Variants in STAG2 observed in about 807,000 individuals in gnomAD.
The protein encoded by STAG2 is cohesin subunit SA-2.
Under a neutral mutation model 108.1 loss-of-function variants are expected in STAG2, and 14 were observed. The observed-to-expected ratio is 0.13, with a 90% CI of 0.09 to 0.20. STAG2 has a LOEUF of 0.20. STAG2 is among the 10% of genes least tolerant of loss of function. The pLI, the probability that STAG2 is intolerant of heterozygous loss-of-function variation, is 1.00. For synonymous variants in STAG2, 307 were observed against 302.7 expected (o/e 1.01, Z -0.15); for missense variants, 440 against 940.9 (o/e 0.47, Z 6.96).
intron 19 of STAG2, among the ~76,000 whole-genome samples, chrX:124,063,519 A>G (rs765286499): frequency 9.0e-6 from 1 of 111,605 alleles, no homozygotes; most frequent in Non-Finnish European, 1.9e-5. Flanking sequence ...TGGTATGGCC[A>G]TAGACGATAA....
intron 1 of STAG2, among the ~76,000 whole-genome samples, chrX:123,962,778 C>G (rs935168474): frequency 1.3e-4 from 14 of 111,286 alleles, no homozygotes; most frequent in Admixed American, 5.7e-4. Context: ...CCTTAAAATG[C>G]GCGGGCCACC....
intron 1 of STAG2, among the ~76,000 whole-genome samples, chrX:123,993,231 T>G (rs981723024): frequency 9.1e-6 from 1 of 109,653 alleles, no homozygotes; most frequent in African/African-American, 3.4e-5. Flanking sequence ...TTTAGGAGGC[T>G]GAGTCCAGGA....
At chrX:124,054,166 C>CG (rs1419260834) in intron 13 of STAG2, among the ~76,000 whole-genome samples, 3 of 112,364 alleles carry the variant, frequency 2.7e-5, no homozygotes, top group African/African-American at 9.7e-5. Flanking sequence ...CTCATGTTCT[C>CG]TAACAAAGCA....
intron 8 of STAG2, among the ~76,000 whole-genome samples, chrX:124,046,737 G>A (rs73212927): frequency 0.038 from 4,229 of 111,493 alleles, 82 homozygotes; most frequent in South Asian, 0.2. Context: ...TTATGAAAAA[G>A]CACTTTAATT....
chrX:123,961,396 C>A (rs1377343209), upstream of STAG2: 2 of 107,031 alleles, frequency 1.9e-5, no homozygotes, highest in Non-Finnish European at 3.9e-5. Flanking sequence ...GGTTCCTTTT[C>A]TCCGGCAGGC....
chrX:124,084,431 G>A (rs938863453), intron 29 of STAG2, among the ~76,000 whole-genome samples: 1 of 109,452 alleles, frequency 9.1e-6, no homozygotes, highest in Non-Finnish European at 1.9e-5. Context: ...TGATTCTCCT[G>A]CCTCAGCCTC....
intron 5 of STAG2, among the ~76,000 whole-genome samples, chrX:124,032,559 A>G (rs185278328): frequency 9.0e-6 from 1 of 110,986 alleles, no homozygotes; most frequent in Admixed American, 9.7e-5. Flanking sequence ...AAGTGAGGGT[A>G]GTATCCAGTG....
chrX:124,081,467 T>C lies in STAG2; in HGVS notation c.2863T>C (p.Phe955Leu). ...FSGIKELARR[F>L]ALTFGLDQLK... ...TGGCATAAAAGAACTTGCTCGACGT[T>C]TTGCTTTAACTTTTGGACTTGATCA... The change falls in exon 28 of 35, where the codon TTT becomes CTT. Residue 955 changes from phenylalanine to leucine, a missense_variant. By Grantham distance (22) the Phe-to-Leu change is conservative. Transcript: ENST00000371145. 8.3e-7 allele frequency: 1 copy of C among 1,201,472 alleles called. No individual in the cohort carries two copies. Among genetic ancestry groups the C allele is most frequent in the Non-Finnish European group, 1.1e-6 (1 of 890,172 alleles).
At chrX:123,972,291 T>G (rs1484134301) in intron 1 of STAG2, among the ~76,000 whole-genome samples, 1 of 107,921 alleles carries the variant, frequency 9.3e-6, no homozygotes, top group African/African-American at 3.4e-5. Flanking sequence ...TTTTTTTTCT[T>G]TTTTTTTGAG....
At chrX:123,986,701 A>G (rs1876170890) in intron 1 of STAG2, among the ~76,000 whole-genome samples, 1 of 112,105 alleles carries the variant, frequency 8.9e-6, no homozygotes, top group Non-Finnish European at 1.9e-5. Flanking sequence ...AGAAAATGTT[A>G]CAGAGATGAA....
intron 5 of STAG2, among the ~76,000 whole-genome samples, 177 bp downstream of exon 5, chrX:124,031,302 G>A (rs994076710): frequency 2.7e-5 from 3 of 110,915 alleles, no homozygotes; most frequent in Non-Finnish European, 5.7e-5. Flanking sequence ...AGACTTTTGT[G>A]CTGTGTTTTG....
intron 1 of STAG2, among the ~76,000 whole-genome samples, chrX:124,005,884 C>T (rs934893740): frequency 8.1e-5 from 9 of 111,412 alleles, no homozygotes; most frequent in Non-Finnish European, 1.5e-4. Context: ...ATTCTGTCCC[C>T]CTCTCTTAGC....
intron 6 of STAG2, among the ~76,000 whole-genome samples, chrX:124,039,640 CTT>C (rs11352016): frequency 1.1e-3 from 96 of 90,505 alleles, no homozygotes; most frequent in Non-Finnish European, 9.6e-4. Flanking sequence ...TTCTTTCTTT[CTT>C]TTTTTTTTTT....
chrX:123,966,061 G>A (rs1307539623), intron 1 of STAG2, among the ~76,000 whole-genome samples: 1 of 111,523 alleles, frequency 9.0e-6, no homozygotes, highest in Non-Finnish European at 1.9e-5. Flanking sequence ...CGTTTTGGGA[G>A]TTGGGGAGAA....
At chrX:124,002,525 C>T (rs1412130181) in intron 1 of STAG2, among the ~76,000 whole-genome samples, 2 of 111,306 alleles carry the variant, frequency 1.8e-5, no homozygotes, top group African/African-American at 3.3e-5. Flanking sequence ...GATGACTGTC[C>T]AATTTTCTTA....
rs188696889 is a variant in STAG2 at position 124,046,530 on chromosome X, A to G, written c.668-824A>G. Among the ~76,000 whole-genome samples the G allele has an allele frequency of 5.7e-3, 639 of 112,224 alleles. 3 individuals carry two copies. Among genetic ancestry groups the G allele is most frequent in the Non-Finnish European group, 9.3e-3 (494 of 53,169 alleles). Reference sequence around the variant, plus strand: ...GGGAAATCTTTCTTTAAGAGAGCCAATAGCCACAAATTTAAGATGTAGTTT... The same window carrying G: ...GGGAAATCTTTCTTTAAGAGAGCCAGTAGCCACAAATTTAAGATGTAGTTT... On this transcript the variant is annotated intron_variant, in intron 8 of 34. Transcript: ENST00000371145.
At chrX:123,980,898 T>G (rs964908632) in intron 1 of STAG2, among the ~76,000 whole-genome samples, 2 of 110,684 alleles carry the variant, frequency 1.8e-5, no homozygotes, top group African/African-American at 3.3e-5. Flanking sequence ...AAAGGAAAAC[T>G]TTTTTTTTCT....
At position 124,100,560 on chromosome X, in the gene STAG2, C is replaced by G. The variant is rs2059489670; in HGVS notation, c.3784-14C>G. On this transcript the variant is annotated splice_polypyrimidine_tract_variant and intron_variant, in intron 34 of 34. Coordinates refer to ENST00000371145, the MANE Select transcript of STAG2 (RefSeq NM_001042750.2). ...CTTTTAACGAGATTTTCTCCCCTCT[C>G]TCTCTCTCATTAGGTTCTTGGAGTG... The G allele has an allele frequency of 1.7e-6, 2 of 1,190,828 alleles. No individual in the cohort carries two copies. The highest frequency in any genetic ancestry group is 1.8e-5 in the South Asian group (1 of 55,732).
intron 1 of STAG2, among the ~76,000 whole-genome samples, chrX:123,979,489 CT>C (rs1323976451): frequency 9.0e-6 from 1 of 111,630 alleles, no homozygotes; most frequent in African/African-American, 3.3e-5. Flanking sequence ...TATTTGCAAG[CT>C]GATCCTGAAG....
Sources: allele counts gnomAD v4.1 joint callset (sites outside exome capture counted in the v4.1 genomes callset), GRCh38; gene constraint gnomAD v4.1.1; transcripts MANE v1.5; gene names NCBI Gene and HGNC (gene_info 2026-07-23, HGNC 2026-07-21).